MTUS2: variants seen among roughly 807,000 people sequenced by gnomAD.
MTUS2 encodes the protein microtubule-associated tumor suppressor candidate 2.
Under a neutral mutation model 114.1 loss-of-function variants are expected in MTUS2, and 40 were observed. That is an observed-to-expected ratio of 0.35 (90% CI 0.27 to 0.46). MTUS2 has a LOEUF of 0.46. Ranked by LOEUF, MTUS2 falls within the 20% of genes least tolerant of loss-of-function variation. MTUS2 has a pLI of 1.00. For missense variants in MTUS2, 1,679 were observed against 1,705.4 expected (o/e 0.98, Z 0.27); for synonymous variants, 688 against 672.0 (o/e 1.02, Z -0.37).
chr13:29,498,349 G>A lies in MTUS2; in HGVS notation c.3679-69G>A, dbSNP rs538415797. The stretch of plus-strand genomic sequence containing the variant: ...CAGGAGGATAGATTTAGCTGGATTC[G>A]TGACATTGGTTAATACTGGGTTTTG... On this transcript the variant is annotated intron_variant, in intron 13 of 15. Transcript: ENST00000612955. The A allele has an allele frequency of 1.9e-4, 297 of 1,593,964 alleles. No individual in the cohort carries two copies. The African/African-American group carries it at 3.3e-3, about 18-fold the overall frequency.
chr13:29,124,966 A>G (rs1047853583), intron 5 of MTUS2, among the ~76,000 whole-genome samples: 4 of 152,216 alleles, frequency 2.6e-5, no homozygotes, highest in Non-Finnish European at 1.5e-5. Flanking sequence ...TTTAACAGGT[A>G]TAGAGTGTCA....
intron 2 of MTUS2, among the ~76,000 whole-genome samples, chr13:29,009,536 G>T (rs1426313895): frequency 6.6e-6 from 1 of 152,150 alleles, no homozygotes. Flanking sequence ...TATAAGGATG[G>T]AGAATAGGTC....
intron 4 of MTUS2, among the ~76,000 whole-genome samples, chr13:29,084,789 C>CT (rs1193090021): frequency 2.6e-5 from 3 of 113,242 alleles, no homozygotes; most frequent in East Asian, 2.2e-4. Context: ...CCACCCCCCC[C>CT]CCTCACCGTT....
chr13:29,264,019 G>T (rs925188101), intron 5 of MTUS2, among the ~76,000 whole-genome samples: 6 of 152,132 alleles, frequency 3.9e-5, no homozygotes, highest in African/African-American at 1.4e-4. Flanking sequence ...CTGAGACAAG[G>T]CACGTCCCTT....
At chr13:28,930,106 G>T (rs1381029972) in intron 2 of MTUS2, among the ~76,000 whole-genome samples, 2 of 151,952 alleles carry the variant, frequency 1.3e-5, no homozygotes, top group Non-Finnish European at 2.9e-5. Flanking sequence ...ACTTTTTCAA[G>T]AAAAAAATGT....
chr13:29,345,382 G>C (rs553661073), intron 7 of MTUS2, among the ~76,000 whole-genome samples: 17 of 151,760 alleles, frequency 1.1e-4, no homozygotes, highest in South Asian at 2.1e-4. Context: ...GTCTTTGTTG[G>C]AATGGGTTAA....
At chr13:29,151,164 A>T (rs1892649931) in intron 5 of MTUS2, among the ~76,000 whole-genome samples, 1 of 152,136 alleles carries the variant, frequency 6.6e-6, no homozygotes, top group African/African-American at 2.4e-5. Flanking sequence ...TATTTCTTCC[A>T]GTCCATGAAC....
chr13:29,277,052 A>G (rs1403581704), intron 5 of MTUS2, among the ~76,000 whole-genome samples: 4 of 152,150 alleles, frequency 2.6e-5, no homozygotes, highest in Admixed American at 6.5e-5. Context: ...TCTGTTCTCT[A>G]TGGTCTCTTA....
intron 2 of MTUS2, among the ~76,000 whole-genome samples, chr13:28,932,049 A>G (rs1163660604): frequency 1.3e-5 from 2 of 152,214 alleles, no homozygotes; most frequent in East Asian, 3.9e-4. Context: ...CCATTTCATT[A>G]GTTCAAATTG....
intron 5 of MTUS2, among the ~76,000 whole-genome samples, chr13:29,160,624 G>T (rs1037177010): frequency 3.3e-5 from 5 of 152,150 alleles, no homozygotes; most frequent in African/African-American, 1.2e-4. Flanking sequence ...CAAAAAATTA[G>T]CTGGGCATGG....
At chr13:29,400,889 T>A (rs1874283168) in intron 8 of MTUS2, among the ~76,000 whole-genome samples, 1 of 152,228 alleles carries the variant, frequency 6.6e-6, no homozygotes, top group African/African-American at 2.4e-5. Context: ...TGCTCATTCT[T>A]TCCTCCTCAG....
chr13:29,444,651 T>C (rs1159463720), intron 9 of MTUS2, among the ~76,000 whole-genome samples: 1 of 152,154 alleles, frequency 6.6e-6, no homozygotes, highest in African/African-American at 2.4e-5. Flanking sequence ...GGGAGTTTGA[T>C]TTGGGCCAGG....
At chr13:29,255,424 G>C (rs1010639822) in intron 5 of MTUS2, among the ~76,000 whole-genome samples, 2 of 152,072 alleles carry the variant, frequency 1.3e-5, no homozygotes, top group Non-Finnish European at 2.9e-5. Flanking sequence ...CAAAACTAAA[G>C]AACTCACCCA....
chr13:29,086,317 A>G (rs1889690769), intron 4 of MTUS2, among the ~76,000 whole-genome samples: 1 of 152,100 alleles, frequency 6.6e-6, no homozygotes, highest in African/African-American at 2.4e-5. Flanking sequence ...TTTTGTTACA[A>G]TTGCTTTTGG....
At chr13:29,285,948 A>T (rs554851734) in intron 6 of MTUS2, among the ~76,000 whole-genome samples, 1 of 152,300 alleles carries the variant, frequency 6.6e-6, no homozygotes, top group Admixed American at 6.5e-5. Context: ...TTTTGTTTAG[A>T]CAAGTCTCTC....
At chr13:29,200,441 G>C (rs769584818) in intron 5 of MTUS2, among the ~76,000 whole-genome samples, 2 of 147,962 alleles carry the variant, frequency 1.4e-5, no homozygotes, top group African/African-American at 2.5e-5. Flanking sequence ...CCTTAATTTC[G>C]TTATTTACCC....
At chr13:28,907,787 C>T (rs989763871) in intron 2 of MTUS2, among the ~76,000 whole-genome samples, 4 of 151,504 alleles carry the variant, frequency 2.6e-5, no homozygotes, top group African/African-American at 9.7e-5. Flanking sequence ...GACTTAGACT[C>T]CCACACAATA....
intron 2 of MTUS2, among the ~76,000 whole-genome samples, chr13:28,930,704 G>A (rs1881569803): frequency 6.6e-6 from 1 of 152,164 alleles, no homozygotes; most frequent in Admixed American, 6.5e-5. Context: ...TCCCCTGGTA[G>A]AATCCCACCT....
At chr13:29,405,148 G>A (rs948311729) in intron 8 of MTUS2, among the ~76,000 whole-genome samples, 1 of 152,196 alleles carries the variant, frequency 6.6e-6, no homozygotes, top group Admixed American at 6.5e-5. Context: ...TTCAATGAAA[G>A]AGTAGAATCA....
Sources: gnomAD v4.1 joint callset for allele counts (sites outside exome capture counted in the v4.1 genomes callset) on GRCh38, gnomAD v4.1.1 for gene constraint, MANE v1.5 for transcripts, NCBI Gene and HGNC (gene_info 2026-07-23, HGNC 2026-07-21) for gene names.